CD47: variants seen among roughly 807,000 people sequenced by gnomAD.
CD47 encodes the protein leukocyte surface antigen CD47.
In CD47, 11 loss-of-function variants were observed where a neutral mutation model predicts 44.6. The ratio of observed to expected loss-of-function variants is 0.25; its 90% CI spans 0.16 to 0.41. The LOEUF (loss-of-function observed/expected upper bound fraction) is 0.41, where lower values mean the gene tolerates loss of function less well. Among genes scored for constraint, CD47 ranks in the 10% least tolerant of loss-of-function variants. The probability of loss-of-function intolerance (pLI) is 1.00; values close to 1 mark genes in which losing one functional copy is unlikely to be tolerated. For missense variants in CD47, 306 were observed against 386.7 expected (o/e 0.79, Z 1.75); for synonymous variants, 140 against 136.3 (o/e 1.03, Z -0.19).
At chr3:108,052,218 T>G (rs2078840562) in intron 7 of CD47, 1 of 310,468 alleles carries the variant, frequency 3.2e-6, no homozygotes, top group Non-Finnish European at 6.2e-6. Context: ...CATTTGTTTA[T>G]GCCATCTTTC....
intron 10 of CD47, among the ~76,000 whole-genome samples, chr3:108,048,884 A>G (rs1448046612): frequency 3.3e-5 from 5 of 152,200 alleles, no homozygotes; most frequent in Non-Finnish European, 7.4e-5. Context: ...TTGATAAGAT[A>G]AAAACATAAA....
intron 2 of CD47, among the ~76,000 whole-genome samples, chr3:108,077,268 T>C (rs1335196409): frequency 6.6e-6 from 1 of 152,190 alleles, no homozygotes; most frequent in African/African-American, 2.4e-5. Flanking sequence ...AGTATTCTTA[T>C]TAGAAAAGAA....
At chr3:108,068,348 C>A (rs186372545) in intron 3 of CD47, among the ~76,000 whole-genome samples, 17 of 152,186 alleles carry the variant, frequency 1.1e-4, no homozygotes, top group Admixed American at 3.3e-4. Flanking sequence ...GCTACAAAAC[C>A]AGGGCAATAT....
intron 3 of CD47, among the ~76,000 whole-genome samples, chr3:108,064,779 G>T (rs1004269539): frequency 2.6e-4 from 39 of 152,278 alleles, no homozygotes; most frequent in Admixed American, 5.9e-4. Flanking sequence ...CATAAAGAAA[G>T]ATGGGTTTGA....
At chr3:108,048,631 G>A (rs1053416722) in intron 10 of CD47, among the ~76,000 whole-genome samples, 4 of 151,972 alleles carry the variant, frequency 2.6e-5, no homozygotes, top group East Asian at 1.9e-4. Flanking sequence ...TGATCCGCCC[G>A]CCTCGGCCTC....
At chr3:108,084,993 T>C (rs1267057962) in intron 1 of CD47, among the ~76,000 whole-genome samples, 2 of 152,124 alleles carry the variant, frequency 1.3e-5, no homozygotes, top group Admixed American at 1.3e-4. Context: ...TGCACTCCTT[T>C]GCCTAAGATA....
At chr3:108,053,804 T>C (rs1417630815) in intron 7 of CD47, 3 of 152,138 alleles carry the variant, frequency 2.0e-5, no homozygotes, top group Non-Finnish European at 4.4e-5. Flanking sequence ...GGTCCTTGTA[T>C]CCAAACAAGA....
At chr3:108,063,801 T>C (rs1326246085) in intron 3 of CD47, among the ~76,000 whole-genome samples, 2 of 152,202 alleles carry the variant, frequency 1.3e-5, no homozygotes, top group Non-Finnish European at 2.9e-5. Context: ...TCTTAAGGAT[T>C]ACCCTCAGCT....
chr3:108,080,834 C>T lies in CD47; in HGVS notation c.47-490G>A, dbSNP rs562326272. ...TTATCTTTATCCTTATGCTGCATTT[C>T]CAAAAAAAGTGGCAGGTTCTACTGT... On this transcript the variant is annotated intron_variant, in intron 1 of 10. Coordinates refer to ENST00000361309, the MANE Select transcript of CD47 (RefSeq NM_001777.4). Among the ~76,000 whole-genome samples, 7 of 151,676 alleles carry T rather than the reference C, an allele frequency of 4.6e-5. No individual in the cohort carries two copies. The South Asian group carries it at 1.5e-3, about 32-fold the overall frequency.
At chr3:108,061,918 A>G (rs2079021758) in intron 3 of CD47, among the ~76,000 whole-genome samples, 1 of 152,234 alleles carries the variant, frequency 6.6e-6, no homozygotes, top group Admixed American at 6.5e-5. Context: ...CAAACATTAA[A>G]TAAAGTAAAA....
intron 2 of CD47, among the ~76,000 whole-genome samples, chr3:108,079,591 A>AAAAG: frequency 6.7e-6 from 1 of 149,324 alleles, no homozygotes; most frequent in South Asian, 2.1e-4. Flanking sequence ...AAAAAAAAAA[A>AAAAG]AAAACACAAA....
At chr3:108,062,213 C>T (rs182228934) in intron 3 of CD47, among the ~76,000 whole-genome samples, 3 of 152,222 alleles carry the variant, frequency 2.0e-5, no homozygotes, top group South Asian at 2.1e-4. Context: ...TCATTACTTC[C>T]GCCCAGCCCT....
chr3:108,064,090 C>T (rs2079063919), intron 3 of CD47, among the ~76,000 whole-genome samples: 1 of 152,176 alleles, frequency 6.6e-6, no homozygotes, highest in East Asian at 1.9e-4. Flanking sequence ...CTACAATGTA[C>T]CAGCCCCTTT....
chr3:108,083,954 C>A (rs1302720352), intron 1 of CD47, among the ~76,000 whole-genome samples: 1 of 151,058 alleles, frequency 6.6e-6, no homozygotes, highest in Non-Finnish European at 1.5e-5. Context: ...AAGCTAGTTT[C>A]CATTTCTGCC....
chr3:108,063,552 T>A (rs1227443915), intron 3 of CD47, among the ~76,000 whole-genome samples: 1 of 152,200 alleles, frequency 6.6e-6, no homozygotes, highest in Non-Finnish European at 1.5e-5. Flanking sequence ...TAGAACCCAA[T>A]AACCTCAAGG....
intron 2 of CD47, among the ~76,000 whole-genome samples, chr3:108,072,058 T>G (rs1031823747): frequency 6.6e-6 from 1 of 152,236 alleles, no homozygotes; most frequent in Non-Finnish European, 1.5e-5. Flanking sequence ...ATATTAAGAC[T>G]TCAAATAAGA....
intron 3 of CD47, 114 bp from the exon 4 acceptor site, chr3:108,060,966 AG>A (rs1401184813): frequency 1.5e-6 from 1 of 657,832 alleles, no homozygotes; most frequent in Non-Finnish European, 2.7e-6. Flanking sequence ...ATAACTTATG[AG>A]GAACAACTCC....
Position 108,090,855 on chromosome 3 carries a change from C to G in CD47, c.46+8G>C, listed in dbSNP as rs1271265534. On this transcript the variant is annotated splice_region_variant and intron_variant, in intron 1 of 10. Coordinates refer to ENST00000361309, the MANE Select transcript of CD47 (RefSeq NM_001777.4). ...CAGCCGCAGGGCTGGGAGCGAGGAG[C>G]CACTCACCGCAGCACGCCGAGCCCA... is the stretch of plus-strand genomic sequence containing the variant. 6.7e-7 allele frequency: 1 copy of G among 1,487,546 alleles called. No homozygotes were observed. Among genetic ancestry groups the G allele is most frequent in the South Asian group, 1.3e-5 (1 of 79,696 alleles). The allele number at this position is 1,487,546 out of a possible 1,614,324, so 92.1% of individuals were successfully genotyped here.
At chr3:108,052,085 T>C (rs921902142) in intron 7 of CD47, 115 bp from the exon 8 acceptor site, 2 of 575,300 alleles carry the variant, frequency 3.5e-6, no homozygotes, top group East Asian at 6.1e-5. Context: ...GTGCCAGAGA[T>C]GTTAATGAAA....
Sources: gnomAD v4.1 joint callset for allele counts (sites outside exome capture counted in the v4.1 genomes callset) on GRCh38, gnomAD v4.1.1 for gene constraint, MANE v1.5 for transcripts, NCBI Gene and HGNC (gene_info 2026-07-23, HGNC 2026-07-21) for gene names.